Variants in TRMT11 observed in about 807,000 individuals in gnomAD.
TRMT11 encodes tRNA (guanine(10)-N(2))-methyltransferase TRMT11.
In TRMT11, 53 loss-of-function variants were observed where a neutral mutation model predicts 62.8. That is an observed-to-expected ratio of 0.84 (90% CI 0.68 to 1.06). TRMT11 has a LOEUF of 1.06. TRMT11 is among the 50% of genes least tolerant of loss of function. The pLI, the probability that TRMT11 is intolerant of heterozygous loss-of-function variation, is 0.00. For missense variants in TRMT11, 556 were observed against 553.4 expected, an observed-to-expected ratio of 1.00 and a Z score of -0.05; for synonymous variants, 188 against 190.3, an observed-to-expected ratio of 0.99 and a Z score of 0.10.
chr6:126,216,531 A>C, the TRMT11 span, among the ~76,000 whole-genome samples: 1 of 151,878 alleles, frequency 6.6e-6, no homozygotes, highest in African/African-American at 2.4e-5. Context: ...TTCAGAGAAG[A>C]TTTTTCCTTC....
the TRMT11 span, among the ~76,000 whole-genome samples, chr6:126,261,445 T>A: frequency 2.0e-5 from 3 of 152,186 alleles, no homozygotes; most frequent in African/African-American, 7.2e-5. Flanking sequence ...TGGAGTCTGC[T>A]ACTAAGGATT....
At chr6:126,270,397 C>G in the TRMT11 span, among the ~76,000 whole-genome samples, 14 of 152,134 alleles carry the variant, frequency 9.2e-5, no homozygotes, top group African/African-American at 3.1e-4. Flanking sequence ...AACAAAATGA[C>G]TTCAGGGTTT....
the TRMT11 span, among the ~76,000 whole-genome samples, chr6:126,229,740 C>T: frequency 7.2e-5 from 11 of 152,128 alleles, no homozygotes; most frequent in Admixed American, 2.0e-4. Context: ...CTACCTTAGT[C>T]GGCCTATGAA....
chr6:126,190,864 T>C (rs1334243292), intron 1 of TRMT11, among the ~76,000 whole-genome samples: 2 of 152,108 alleles, frequency 1.3e-5, no homozygotes, highest in African/African-American at 2.4e-5. Context: ...TTAGGAAGAG[T>C]CCATATTTTT....
intron 7 of TRMT11, chr6:126,006,928 G>C (rs561094758): frequency 1.3e-5 from 2 of 151,976 alleles, no homozygotes; most frequent in African/African-American, 4.8e-5. Flanking sequence ...AAGCTTTTCT[G>C]TTCCCCTTGA....
At chr6:126,036,955 A>T (rs1775303733) in intron 12 of TRMT11, among the ~76,000 whole-genome samples, 1 of 151,034 alleles carries the variant, frequency 6.6e-6, no homozygotes, top group African/African-American at 2.4e-5. Flanking sequence ...TGGCTCTTAC[A>T]CCTCCTCTTG....
chr6:126,057,538 A>G (rs1036119474), intron 17 of TRMT11, among the ~76,000 whole-genome samples: 18 of 152,338 alleles, frequency 1.2e-4, no homozygotes, highest in African/African-American at 3.8e-4. Context: ...TCTGAACACT[A>G]TAATTCTGTA....
intron 18 of TRMT11, among the ~76,000 whole-genome samples, chr6:126,114,007 G>A (rs1777561282): frequency 6.6e-6 from 1 of 151,822 alleles, no homozygotes; most frequent in African/African-American, 2.4e-5. Flanking sequence ...CCCAATAGTG[G>A]GTCATGAAAT....
chr6:126,261,581 T>C, the TRMT11 span, among the ~76,000 whole-genome samples: 1 of 152,218 alleles, frequency 6.6e-6, no homozygotes, highest in Non-Finnish European at 1.5e-5. Flanking sequence ...GAATTAATTG[T>C]CCTAGGGATA....
At chr6:125,991,872 C>T (rs753575491) in intron 1 of TRMT11, among the ~76,000 whole-genome samples, 2 of 152,138 alleles carry the variant, frequency 1.3e-5, no homozygotes, top group Non-Finnish European at 2.9e-5. Flanking sequence ...AAAGTTCAAA[C>T]TCCTGGGTTT....
chr6:126,172,237 A>C (rs1778337894), upstream of TRMT11, among the ~76,000 whole-genome samples: 5 of 152,144 alleles, frequency 3.3e-5, no homozygotes, highest in South Asian at 1.0e-3. Context: ...CTGAGGAGCC[A>C]AAATTCTGTC....
At chr6:126,084,290 A>C (rs1038500311) in intron 17 of TRMT11, among the ~76,000 whole-genome samples, 10 of 152,120 alleles carry the variant, frequency 6.6e-5, no homozygotes, top group Admixed American at 6.6e-4. Flanking sequence ...CCATCATAAC[A>C]GTGGAAGGTG....
chr6:126,001,957 A>G (rs1792568318), intron 7 of TRMT11, among the ~76,000 whole-genome samples: 1 of 151,994 alleles, frequency 6.6e-6, no homozygotes, highest in Admixed American at 6.6e-5. Flanking sequence ...TAATTTTCTT[A>G]ATTACTTTTG....
At chr6:126,058,428 G>A (rs1341158711) in intron 17 of TRMT11, among the ~76,000 whole-genome samples, 1 of 152,182 alleles carries the variant, frequency 6.6e-6, no homozygotes, top group African/African-American at 2.4e-5. Context: ...ATGTGCATGT[G>A]TCTTTATAGT....
intron 1 of TRMT11, among the ~76,000 whole-genome samples, chr6:126,191,333 T>G (rs563278278): frequency 1.0e-3 from 153 of 152,244 alleles, no homozygotes; most frequent in African/African-American, 3.5e-3. Context: ...TCCTCATATA[T>G]TCTGGTTATT....
At chr6:126,035,460 AG>A (rs1775012052) in intron 12 of TRMT11, among the ~76,000 whole-genome samples, 2 of 152,100 alleles carry the variant, frequency 1.3e-5, no homozygotes. Context: ...TCTTCTAGAA[AG>A]GGGACATTTT....
At chr6:126,160,089 G>A (rs897275150) in intron 21 of TRMT11, among the ~76,000 whole-genome samples, 15 of 152,144 alleles carry the variant, frequency 9.9e-5, no homozygotes, top group African/African-American at 3.4e-4. Context: ...CACCAGTCAT[G>A]TTGGATCAAG....
At chr6:125,988,986 T>G (rs1790136145) in intron 1 of TRMT11, among the ~76,000 whole-genome samples, 1 of 152,124 alleles carries the variant, frequency 6.6e-6, no homozygotes, top group Non-Finnish European at 1.5e-5. Flanking sequence ...GAAACAGGCT[T>G]AAAGGCACAG....
chr6:126,108,402 A>G (rs547906502), intron 17 of TRMT11, among the ~76,000 whole-genome samples: 1 of 152,316 alleles, frequency 6.6e-6, no homozygotes, highest in South Asian at 2.1e-4. Context: ...TATTTGACCT[A>G]ATAATACTAA....
Sources: gnomAD v4.1 joint callset for allele counts (sites outside exome capture counted in the v4.1 genomes callset) on GRCh38, gnomAD v4.1.1 for gene constraint, MANE v1.5 for transcripts, NCBI Gene and HGNC (gene_info 2026-07-23, HGNC 2026-07-21) for gene names.